NFIA: variants seen among roughly 807,000 people sequenced by gnomAD.
The protein encoded by NFIA is nuclear factor 1 A-type.
In NFIA, 8 loss-of-function variants were observed where a neutral mutation model predicts 62.8. The observed-to-expected ratio is 0.13, with a 90% confidence interval of 0.07 to 0.23. NFIA has a LOEUF of 0.23. Ranked by LOEUF, NFIA falls within the 10% of genes least tolerant of loss-of-function variation. NFIA has a pLI of 1.00. For synonymous variants in NFIA, 235 were observed against 238.1 expected (o/e 0.99, Z 0.12); for missense variants, 410 against 642.1 (o/e 0.64, Z 3.91).
intron 2 of NFIA, among the ~76,000 whole-genome samples, chr1:61,090,939 G>A (rs946722670): frequency 6.6e-6 from 1 of 152,206 alleles, no homozygotes; most frequent in East Asian, 1.9e-4. Context: ...ATACAAATAT[G>A]AGGTAGATCG....
At chr1:61,327,462 G>A (rs557872942) in intron 3 of NFIA, among the ~76,000 whole-genome samples, 1 of 151,856 alleles carries the variant, frequency 6.6e-6, no homozygotes, top group South Asian at 2.1e-4. Flanking sequence ...CTCTGTATAC[G>A]TCTGCACACC....
intron 2 of NFIA, among the ~76,000 whole-genome samples, chr1:61,188,608 A>G (rs1488616422): frequency 1.3e-5 from 2 of 152,208 alleles, no homozygotes; most frequent in Non-Finnish European, 2.9e-5. Flanking sequence ...TTGTGTCGTC[A>G]TCGACATCAT....
rs147852734 is a variant in NFIA, at chr1:61,195,180, G to A, written c.560-82340G>A. On this transcript the variant is annotated intron_variant, in intron 2 of 10. Transcript: ENST00000403491. ...GCATGAACAGTTGCAGGGATTCTTGGTGTACATTTGTAAGTTTTCCTTTCC... is the reference window on the plus strand; with the variant it reads ...GCATGAACAGTTGCAGGGATTCTTGATGTACATTTGTAAGTTTTCCTTTCC... Among the ~76,000 whole-genome samples the A allele has an allele frequency of 1.7e-3, 256 of 152,146 alleles. 3 individuals carry two copies. The highest frequency in any genetic ancestry group is 6.0e-3 in the African/African-American group (249 of 41,510).
At chr1:61,383,446 A>C in intron 7 of NFIA, 81 bp downstream of exon 7, 2 of 1,566,962 alleles carry the variant, frequency 1.3e-6, no homozygotes, top group Non-Finnish European at 1.7e-6. Flanking sequence ...AACAATGAGG[A>C]CTCCCCCTGA....
intron 6 of NFIA, among the ~76,000 whole-genome samples, chr1:61,367,977 G>C (rs891842385): frequency 6.6e-6 from 1 of 152,194 alleles, no homozygotes; most frequent in Non-Finnish European, 1.5e-5. Flanking sequence ...TGTCCTTCGA[G>C]TAGGATCAAG....
At chr1:61,236,391 CT>C (rs1178558827) in intron 2 of NFIA, among the ~76,000 whole-genome samples, 1 of 152,184 alleles carries the variant, frequency 6.6e-6, no homozygotes, top group African/African-American at 2.4e-5. Flanking sequence ...GCAGTGTTTG[CT>C]CTGTGCTTTT....
At chr1:61,078,403 G>T (rs924755462), upstream of NFIA, among the ~76,000 whole-genome samples, 2 of 152,150 alleles carry the variant, frequency 1.3e-5, no homozygotes, top group African/African-American at 2.4e-5. Flanking sequence ...TTATGCTCAG[G>T]GAAGCTGGTA....
chr1:61,235,509 T>TAAATAAATAA, intron 2 of NFIA, among the ~76,000 whole-genome samples: 1 of 122,810 alleles, frequency 8.1e-6, no homozygotes, highest in African/African-American at 3.4e-5. Context: ...TAAATAAAAA[T>TAAATAAATAA]AAAAAATAAA....
At chr1:61,351,486 A>G (rs957965076) in intron 4 of NFIA, among the ~76,000 whole-genome samples, 1 of 152,226 alleles carries the variant, frequency 6.6e-6, no homozygotes. Context: ...GCCTCAGTAC[A>G]GTATCTATTG....
At chr1:61,220,784 A>G (rs1214503035) in intron 2 of NFIA, among the ~76,000 whole-genome samples, 1 of 152,246 alleles carries the variant, frequency 6.6e-6, no homozygotes, top group Non-Finnish European at 1.5e-5. Flanking sequence ...TGCAGAAAAT[A>G]CTGAACAATA....
intron 2 of NFIA, among the ~76,000 whole-genome samples, chr1:61,182,763 G>A (rs978107826): frequency 1.3e-5 from 2 of 151,966 alleles, no homozygotes; most frequent in African/African-American, 4.8e-5. Context: ...ATAGCTTTTT[G>A]GTTCAGCCAA....
intron 6 of NFIA, among the ~76,000 whole-genome samples, chr1:61,371,505 G>C (rs180938327): frequency 6.6e-6 from 1 of 152,128 alleles, no homozygotes; most frequent in Admixed American, 6.6e-5. Context: ...TATTATATTG[G>C]ATCACATAAA....
intron 5 of NFIA, among the ~76,000 whole-genome samples, chr1:61,356,732 G>C (rs1264534018): frequency 2.6e-5 from 4 of 152,142 alleles, no homozygotes; most frequent in Non-Finnish European, 5.9e-5. Flanking sequence ...AGCATTAAAG[G>C]CATTTCCTTT....
chr1:61,114,662 A>C (rs1646766503), intron 2 of NFIA, among the ~76,000 whole-genome samples: 2 of 152,136 alleles, frequency 1.3e-5, no homozygotes, highest in African/African-American at 4.8e-5. Flanking sequence ...GTCATGTCAG[A>C]GTTACTCAGG....
At chr1:61,134,393 T>C (rs1647140592) in intron 2 of NFIA, among the ~76,000 whole-genome samples, 1 of 152,136 alleles carries the variant, frequency 6.6e-6, no homozygotes, top group African/African-American at 2.4e-5. Flanking sequence ...TAAGCCTCTG[T>C]ATTCCATTAC....
chr1:61,167,184 T>G (rs1649634753), intron 2 of NFIA, among the ~76,000 whole-genome samples: 1 of 152,188 alleles, frequency 6.6e-6, no homozygotes, highest in Admixed American at 6.5e-5. Context: ...ACATTTCTTA[T>G]GTTCCCATAG....
chr1:61,333,036 C>G (rs1335497161), intron 4 of NFIA, among the ~76,000 whole-genome samples: 1 of 147,004 alleles, frequency 6.8e-6, no homozygotes, highest in Non-Finnish European at 1.5e-5. Flanking sequence ...ATGACATAAT[C>G]TAGCATGCAC....
At chr1:61,116,508 A>G (rs780502383) in intron 2 of NFIA, among the ~76,000 whole-genome samples, 1 of 151,654 alleles carries the variant, frequency 6.6e-6, no homozygotes, top group Admixed American at 6.6e-5. Context: ...CGGTTTTTTG[A>G]TGCAGTACTG....
chr1:61,441,945 G>A (rs1015346934), intron 10 of NFIA, among the ~76,000 whole-genome samples: 32 of 150,622 alleles, frequency 2.1e-4, no homozygotes, highest in Non-Finnish European at 3.7e-4. Flanking sequence ...CCAGGAAGGC[G>A]GTTTGCTTGG....
Sources: gnomAD v4.1 joint callset for allele counts (sites outside exome capture counted in the v4.1 genomes callset) on GRCh38, gnomAD v4.1.1 for gene constraint, MANE v1.5 for transcripts, NCBI Gene and HGNC (gene_info 2026-07-23, HGNC 2026-07-21) for gene names.